Variants in PAK2 observed in about 807,000 individuals in gnomAD.
PAK2 encodes the protein serine/threonine-protein kinase PAK 2.
Under a neutral mutation model 65.9 loss-of-function variants are expected in PAK2, and 21 were observed. The ratio of observed to expected loss-of-function variants is 0.32; its 90% confidence interval spans 0.23 to 0.46. The LOEUF (loss-of-function observed/expected upper bound fraction) is 0.46. Ranked by LOEUF, PAK2 falls within the 20% of genes least tolerant of loss-of-function variation. The pLI is 1.00. For synonymous variants in PAK2, 204 were observed against 219.7 expected (o/e 0.93, Z 0.63); for missense variants, 324 against 642.6 (o/e 0.50, Z 5.36).
intron 4 of PAK2, among the ~76,000 whole-genome samples, chr3:196,804,806 G>GATATAT (rs371990910): frequency 1.4e-5 from 2 of 142,554 alleles, no homozygotes; most frequent in Non-Finnish European, 3.0e-5. Context: ...GTGTGTGTGT[G>GATATAT]ATATATATAT....
chr3:196,784,913 G>A (rs1193432487), intron 2 of PAK2: 1 of 151,902 alleles, frequency 6.6e-6, no homozygotes, highest in Non-Finnish European at 1.5e-5. Flanking sequence ...TTTAATGATT[G>A]CCATTCTAAC....
chr3:196,819,392 A>T (rs1037164414), intron 12 of PAK2, among the ~76,000 whole-genome samples: 1 of 152,180 alleles, frequency 6.6e-6, no homozygotes, highest in Non-Finnish European at 1.5e-5. Context: ...CCGTGAGCCG[A>T]AATTGCTCTA....
chr3:196,813,939 ACT>A, intron 10 of PAK2, among the ~76,000 whole-genome samples: 1 of 152,206 alleles, frequency 6.6e-6, no homozygotes, highest in East Asian at 1.9e-4. Flanking sequence ...ACAGAGCAAG[ACT>A]CTGTCTCAAA....
At chr3:196,740,412 T>A (rs1303606352) in intron 1 of PAK2, among the ~76,000 whole-genome samples, 2 of 152,062 alleles carry the variant, frequency 1.3e-5, no homozygotes, top group Non-Finnish European at 2.9e-5. Flanking sequence ...TGACTCTTCC[T>A]GGACCCAGCC....
intron 1 of PAK2, among the ~76,000 whole-genome samples, chr3:196,760,846 G>A (rs868551974): frequency 2.0e-5 from 3 of 152,224 alleles, no homozygotes; most frequent in African/African-American, 7.2e-5. Context: ...GTTTGTTGGT[G>A]CCTCCGTGTT....
At chr3:196,762,321 G>A (rs1315541160) in intron 1 of PAK2, among the ~76,000 whole-genome samples, 27 of 135,550 alleles carry the variant, frequency 2.0e-4, no homozygotes, top group African/African-American at 6.9e-4. Context: ...CTGCAATCTC[G>A]GCACTTTGGG....
chr3:196,783,596 A>G (rs1363727063), intron 2 of PAK2, among the ~76,000 whole-genome samples: 6 of 151,280 alleles, frequency 4.0e-5, no homozygotes, highest in East Asian at 1.9e-4. Flanking sequence ...AAAAAAAAAA[A>G]GTGTACGTAT....
chr3:196,800,262 A>G (rs1715380937), intron 2 of PAK2, among the ~76,000 whole-genome samples: 1 of 152,152 alleles, frequency 6.6e-6, no homozygotes, highest in African/African-American at 2.4e-5. Flanking sequence ...CATGCCTGTA[A>G]TCCCAGCTCC....
rs60929724 is a variant in PAK2 at position 196,766,931 on chromosome 3, CGTGTGT to C, written c.-21-15656_-21-15651del. ...AAAAAAAATAGAAACAAGTACACCC[CGTGTGT>C]GTGTGTGTGTGTGTGTGTGTGTGTG... On this transcript the variant is annotated intron_variant, in intron 1 of 14. Transcript: ENST00000327134. Among the ~76,000 whole-genome samples, 692 of 134,386 alleles carry C rather than the reference CGTGTGT, an allele frequency of 5.1e-3. 7 individuals carry two copies. The highest frequency in any genetic ancestry group is 0.018 in the East Asian group (85 of 4,710). 88.2% of individuals were successfully genotyped at this position (134,386 alleles called of 152,430 possible).
rs183307186 is a variant in PAK2, at chr3:196,762,568, C to T, written c.-21-20058C>T. Among the ~76,000 whole-genome samples the T allele has an allele frequency of 4.3e-3, 636 of 148,784 alleles. 6 individuals are homozygous for T. The highest frequency in any genetic ancestry group is 0.015 in the African/African-American group (593 of 40,896). ...AGGCGTGGCGGCGCATGCCTGCAAT[C>T]GCAGGCACTCGGCAGGCTGAGGCAG... On this transcript the variant is annotated intron_variant, in intron 1 of 14. Coordinates refer to ENST00000327134, the MANE Select transcript of PAK2 (RefSeq NM_002577.4).
At chr3:196,805,447 A>C in intron 5 of PAK2, 64 bp downstream of exon 5, 29 of 794,822 alleles carry the variant, frequency 3.6e-5, no homozygotes, top group Non-Finnish European at 5.5e-5. Flanking sequence ...GACAAATCTC[A>C]GTTTTTATTT....
At chr3:196,773,508 A>G (rs546543999) in intron 1 of PAK2, among the ~76,000 whole-genome samples, 1 of 152,280 alleles carries the variant, frequency 6.6e-6, no homozygotes, top group East Asian at 1.9e-4. Context: ...CTGTGAGGGG[A>G]AAAGTATAAA....
At chr3:196,763,154 A>G (rs1369942436) in intron 1 of PAK2, among the ~76,000 whole-genome samples, 1 of 152,194 alleles carries the variant, frequency 6.6e-6, no homozygotes, top group African/African-American at 2.4e-5. Flanking sequence ...AAATCACTGA[A>G]TGGCAGAGAT....
At chr3:196,773,015 T>G (rs550083324) in intron 1 of PAK2, among the ~76,000 whole-genome samples, 1 of 152,206 alleles carries the variant, frequency 6.6e-6, no homozygotes, top group Non-Finnish European at 1.5e-5. Flanking sequence ...CTCCACTATT[T>G]GGGCTGACCG....
intron 1 of PAK2, among the ~76,000 whole-genome samples, chr3:196,756,334 C>G (rs896116492): frequency 6.6e-6 from 1 of 152,172 alleles, no homozygotes; most frequent in Non-Finnish European, 1.5e-5. Flanking sequence ...TCCTTTTCAT[C>G]CTTCAAAAAG....
chr3:196,765,087 A>G (rs9875751), intron 1 of PAK2, among the ~76,000 whole-genome samples: 146,814 of 148,732 alleles, frequency 0.99, 72,468 homozygotes, highest in East Asian at 1. Flanking sequence ...CTCGTGATCC[A>G]CCTGCCTCGG....
intron 1 of PAK2, among the ~76,000 whole-genome samples, chr3:196,751,647 C>CAA (rs1025070954): frequency 1.1e-5 from 1 of 89,618 alleles, no homozygotes; most frequent in African/African-American, 5.4e-5. Context: ...ACTGTCCCCC[C>CAA]AAAAAACACA....
At chr3:196,759,498 G>GGT (rs1713881625) in intron 1 of PAK2, among the ~76,000 whole-genome samples, 2 of 108,116 alleles carry the variant, frequency 1.8e-5, no homozygotes, top group African/African-American at 7.2e-5. Flanking sequence ...GGTTTTTTTT[G>GGT]TTTTTTTTTT....
intron 1 of PAK2, among the ~76,000 whole-genome samples, chr3:196,740,463 C>G (rs1026495562): frequency 6.6e-6 from 1 of 151,984 alleles, no homozygotes; most frequent in Non-Finnish European, 1.5e-5. Context: ...TGCCGACTCT[C>G]GGTCTTCCCT....
Sources: allele counts gnomAD v4.1 joint callset (sites outside exome capture counted in the v4.1 genomes callset), GRCh38; gene constraint gnomAD v4.1.1; transcripts MANE v1.5; gene names NCBI Gene and HGNC (gene_info 2026-07-23, HGNC 2026-07-21).